The following ADAR variants were observed in gnomAD, a reference collection of about 807,000 sequenced individuals.
The protein encoded by ADAR is double-stranded RNA-specific adenosine deaminase.
A neutral mutation model predicts 113.2 loss-of-function variants in ADAR; 41 were observed. That is an observed-to-expected ratio of 0.36 (90% CI 0.28 to 0.47). The LOEUF (loss-of-function observed/expected upper bound fraction) is 0.47, where lower values mean the gene tolerates loss of function less well. ADAR is among the 20% of genes least tolerant of loss of function. The probability of loss-of-function intolerance (pLI) is 1.00; values close to 1 mark genes in which losing one functional copy is unlikely to be tolerated. For missense variants in ADAR, 1,242 were observed against 1,540.9 expected, an observed-to-expected ratio of 0.81 and a Z score of 3.25; for synonymous variants, 605 against 572.6, an observed-to-expected ratio of 1.06 and a Z score of -0.81.
In ADAR at chr1:154,582,368, A is replaced by AAAGAAG. The variant is rs1340013447; in HGVS notation, c.*2432_*2437dup. The AAAGAAG allele has an allele frequency of 6.6e-6, 1 of 152,238 alleles. No individual in the cohort carries two copies. Among genetic ancestry groups the AAAGAAG allele is most frequent in the Non-Finnish European group, 1.5e-5 (1 of 68,046 alleles). The allele number at this position is 152,238 out of a possible 1,614,324, so 9.4% of individuals were successfully genotyped here. A position where few individuals can be genotyped will look rare whatever the true frequency, so the allele number is the denominator to read the frequency against. Reference sequence around the variant, plus strand: ...ACAAATCAACTACAAAAATCATTAAAAAGAAGAGTAGGGAGGGTCACTGCT... The same window carrying AAAGAAG: ...ACAAATCAACTACAAAAATCATTAAAAAGAAGAAGAAGAGTAGGGAGGGTCACTGCT... On this transcript the variant is annotated 3_prime_UTR_variant, in exon 15 of 15. Transcript: ENST00000368474.
intron 4 of ADAR, among the ~76,000 whole-genome samples, chr1:154,597,621 T>C (rs955116205): frequency 1.4e-4 from 21 of 152,154 alleles, no homozygotes; most frequent in Non-Finnish European, 2.8e-4. Flanking sequence ...ATAGAGGAGA[T>C]AGAGGGTGGG....
At chr1:154,604,569 C>T (rs1698077422) in intron 1 of ADAR, among the ~76,000 whole-genome samples, 1 of 152,198 alleles carries the variant, frequency 6.6e-6, no homozygotes, top group African/African-American at 2.4e-5. Flanking sequence ...TTGTGTTTAA[C>T]AAACATGCCT....
At chr1:154,607,395 G>C (rs748931296) in intron 1 of ADAR, among the ~76,000 whole-genome samples, 1 of 152,140 alleles carries the variant, frequency 6.6e-6, no homozygotes, top group Non-Finnish European at 1.5e-5. Flanking sequence ...GCTATAAAGT[G>C]GTTAACAAGC....
chr1:154,627,017 A>G (rs1408416294), intron 1 of ADAR, among the ~76,000 whole-genome samples: 1 of 152,162 alleles, frequency 6.6e-6, no homozygotes, highest in African/African-American at 2.4e-5. Flanking sequence ...TCTAGCAACA[A>G]GACACTGTGT....
intron 9 of ADAR, 101 bp from the exon 10 acceptor site, chr1:154,588,774 A>G (rs1696933873): frequency 6.6e-7 from 1 of 1,515,392 alleles, no homozygotes; most frequent in Non-Finnish European, 9.1e-7. Flanking sequence ...AAAAGTCTCA[A>G]TGTTGCAGAC....
At chr1:154,602,672 T>A in intron 1 of ADAR, 46 bp from the exon 2 acceptor site, 1 of 1,605,348 alleles carries the variant, frequency 6.2e-7, no homozygotes, top group Non-Finnish European at 8.5e-7. Flanking sequence ...AGGGCTGCAG[T>A]GGTGAACCTG....
At chr1:154,613,281 C>CTTTTTT (rs56126079) in intron 1 of ADAR, among the ~76,000 whole-genome samples, 1 of 84,662 alleles carries the variant, frequency 1.2e-5, no homozygotes, top group Non-Finnish European at 2.2e-5. Context: ...TCACAAATGG[C>CTTTTTT]TTTTTTTTTT....
At chr1:154,585,971 A>ATCTT (rs1696732143) in intron 12 of ADAR, 106 bp from the exon 13 acceptor site, 1 of 1,245,382 alleles carries the variant, frequency 8.0e-7, no homozygotes, top group Non-Finnish European at 1.2e-6. Flanking sequence ...TTGTCAAGAA[A>ATCTT]GAGAAACAGC....
intron 1 of ADAR, among the ~76,000 whole-genome samples, chr1:154,616,740 C>T (rs1342382276): frequency 6.6e-6 from 1 of 152,206 alleles, no homozygotes; most frequent in South Asian, 2.1e-4. Context: ...TACTGAAAAA[C>T]GCAACATGCG....
In ADAR at chr1:154,597,992, G is replaced by C. The variant is rs1381598486; in HGVS notation, c.1786-16C>G. 3.1e-6 allele frequency: 5 copies of C among 1,612,470 alleles called. No homozygotes were observed. In the South Asian group the frequency reaches 5.5e-5, roughly 18 times the overall value. ...ACTCTGCAGTCTAGAGAAAATGAGA[G>C]ACAAGAAGAAAACAAAACTAAGAAA... On this transcript the variant is annotated splice_polypyrimidine_tract_variant and intron_variant, in intron 3 of 14. Coordinates refer to ENST00000368474, the MANE Select transcript of ADAR (RefSeq NM_001111.5).
intron 11 of ADAR, among the ~76,000 whole-genome samples, chr1:154,587,725 C>T (rs189426675): frequency 6.6e-6 from 1 of 152,318 alleles, no homozygotes; most frequent in Non-Finnish European, 1.5e-5. Context: ...CAGCATTTGG[C>T]ATCCTCATCT....
At chr1:154,617,903 T>A (rs1342513941) in intron 1 of ADAR, among the ~76,000 whole-genome samples, 1 of 151,760 alleles carries the variant, frequency 6.6e-6, no homozygotes, top group Non-Finnish European at 1.5e-5. Flanking sequence ...AAAAATAGAT[T>A]ATTTGCAGAT....
rs1198039981 is a variant in ADAR, at chr1:154,596,808, G to A, written c.2267C>T (p.Pro756Leu). The A allele has an allele frequency of 1.2e-6, 2 of 1,612,840 alleles. No homozygotes were observed. The highest frequency in any genetic ancestry group is 1.7e-6 in the Non-Finnish European group (2 of 1,180,000). The stretch of plus-strand genomic sequence containing the variant: ...TAGCCAGGACTAGGACACTCACTTG[G>A]GCTCGTGAGGAGGTCCGGACTGGTC... ...LVDQSGPPHE[P>L]KFVYQAKVGG... is the part of the protein sequence containing the mutation. Residue 756 changes from proline (P) to leucine (L), a missense_variant, in exon 6 of 15, where the codon CCC becomes CTC. This residue lies in a region of ADAR where 780 missense variants were observed against 1,057.9 expected (regional missense o/e 0.74). Coordinates refer to ENST00000368474, the MANE Select transcript of ADAR (RefSeq NM_001111.5).
upstream of ADAR, among the ~76,000 whole-genome samples, chr1:154,612,489 G>A (rs1698514811): frequency 1.3e-5 from 2 of 151,366 alleles, no homozygotes; most frequent in Admixed American, 6.6e-5. Flanking sequence ...CACCACACCC[G>A]GCTATTTTTT....
At chr1:154,627,987 T>C (rs772320145), upstream of ADAR, 6 of 514,430 alleles carry the variant, frequency 1.2e-5, no homozygotes, top group African/African-American at 9.8e-5. Flanking sequence ...GGTCGCAGAT[T>C]GGTGACATCA....
At position 154,585,200 on chromosome 1, in the gene ADAR, C is replaced by T; in HGVS notation, c.3443+17G>A. Reference sequence around the variant, plus strand: ...GGGCAGAGGCTTGGTCCTCACTGCGCTCTCCTGTCTCCTTACCCATCCACA... The same window carrying T: ...GGGCAGAGGCTTGGTCCTCACTGCGTTCTCCTGTCTCCTTACCCATCCACA... On this transcript the variant is annotated intron_variant, in intron 14 of 14. Coordinates refer to ENST00000368474, the MANE Select transcript of ADAR (RefSeq NM_001111.5). 1 of 1,614,174 alleles carries T rather than the reference C, an allele frequency of 6.2e-7. No homozygotes were observed. Among genetic ancestry groups the T allele is most frequent in the Non-Finnish European group, 8.5e-7 (1 of 1,180,028 alleles).
upstream of ADAR, among the ~76,000 whole-genome samples, chr1:154,612,318 GTTTTTTTTTT>G (rs55714254): frequency 4.3e-5 from 3 of 69,178 alleles, no homozygotes; most frequent in South Asian, 6.6e-4. Flanking sequence ...AAATTACTCA[GTTTTTTTTTT>G]TTTTTTTTTT....
intron 6 of ADAR, among the ~76,000 whole-genome samples, chr1:154,590,639 G>A (rs1285207507): frequency 6.6e-6 from 1 of 151,990 alleles, no homozygotes; most frequent in East Asian, 1.9e-4. Context: ...TCTCTAAATT[G>A]ACTTCTTAGA....
chr1:154,610,650 A>C (rs1250590384), upstream of ADAR, among the ~76,000 whole-genome samples: 3 of 151,994 alleles, frequency 2.0e-5, no homozygotes. Flanking sequence ...CTCTACTAAA[A>C]GTACAAAAAA....
Sources: gnomAD v4.1 joint callset for allele counts (sites outside exome capture counted in the v4.1 genomes callset) on GRCh38, gnomAD v4.1.1 for gene constraint, gnomAD v4.1.1 regional missense constraint, MANE v1.5 for transcripts, NCBI Gene and HGNC (gene_info 2026-07-23, HGNC 2026-07-21) for gene names.